Variants in TRIO observed in about 807,000 individuals in gnomAD.
TRIO encodes the protein trio Rho guanine nucleotide exchange factor, also known as triple functional domain protein.
TRIO carries 58 observed loss-of-function variants against 351.9 expected under a neutral mutation model. The observed-to-expected ratio is 0.16, with a 90% CI of 0.13 to 0.21. TRIO has a LOEUF of 0.21. TRIO is among the 10% of genes least tolerant of loss of function. The pLI, the probability that TRIO is intolerant of heterozygous loss-of-function variation, is 1.00. For missense variants in TRIO, 3,201 were observed against 4,027.8 expected (o/e 0.79, Z 5.56); for synonymous variants, 1,758 against 1,595.7 (o/e 1.10, Z -2.42).
In TRIO at chr5:14,336,688, A is replaced by G. The variant is rs1292603754; in HGVS notation, c.2007A>G (p.Leu669=). The G allele has an allele frequency of 6.2e-7, 1 of 1,614,112 alleles. No homozygotes were observed. The highest frequency in any genetic ancestry group is 8.5e-7 in the Non-Finnish European group (1 of 1,180,040). Residue 669 remains leucine, a synonymous_variant, in exon 11 of 57, where the codon CTA becomes CTG. Coordinates refer to ENST00000344204, the MANE Select transcript of TRIO (RefSeq NM_007118.4). Reference sequence around the variant, plus strand: ...GGCGTGTTGAGCAGCGAAAGATCCTACTGGACATGTCAGTGTCCTTTCACA... The same window carrying G: ...GGCGTGTTGAGCAGCGAAAGATCCTGCTGGACATGTCAGTGTCCTTTCACA... The part of the protein sequence containing the change: ...FVRRVEQRKI[L]LDMSVSFHTH...
At chr5:14,405,095 A>G (rs1748586032) in intron 31 of TRIO, among the ~76,000 whole-genome samples, 1 of 152,194 alleles carries the variant, frequency 6.6e-6, no homozygotes, top group African/African-American at 2.4e-5. Context: ...AGTTAAAAAA[A>G]AAAAAAAAGT....
chr5:14,211,488 G>T (rs1262338684), intron 1 of TRIO, among the ~76,000 whole-genome samples: 1 of 150,454 alleles, frequency 6.6e-6, no homozygotes, highest in African/African-American at 2.4e-5. Flanking sequence ...TTTAAAATAT[G>T]AAACAATAAA....
chr5:14,501,163 G>A (rs1053333777), intron 53 of TRIO, among the ~76,000 whole-genome samples: 1 of 151,760 alleles, frequency 6.6e-6, no homozygotes, highest in African/African-American at 2.4e-5. Context: ...TTCTTAATGT[G>A]AGTTGGTAGA....
intron 1 of TRIO, among the ~76,000 whole-genome samples, chr5:14,159,591 A>T (rs1788315904): frequency 1.4e-5 from 2 of 147,030 alleles, no homozygotes; most frequent in South Asian, 4.3e-4. Flanking sequence ...TTTTTTTGAG[A>T]TGGAGTCTTG....
intron 8 of TRIO, 29 bp from the exon 9 acceptor site, chr5:14,316,484 G>A (rs1739390788): frequency 2.5e-6 from 4 of 1,611,522 alleles, no homozygotes; most frequent in Non-Finnish European, 3.4e-6. Flanking sequence ...CTCAGATCGT[G>A]AAGAATCACT....
chr5:14,232,609 A>G (rs748238814), intron 1 of TRIO, among the ~76,000 whole-genome samples: 2 of 152,234 alleles, frequency 1.3e-5, no homozygotes, highest in African/African-American at 4.8e-5. Context: ...ATGGATGTTC[A>G]TACTTTTGTC....
chr5:14,392,144 C>T, intron 27 of TRIO, among the ~76,000 whole-genome samples: 1 of 151,876 alleles, frequency 6.6e-6, no homozygotes, highest in East Asian at 1.9e-4. Flanking sequence ...TCAGAGTGAA[C>T]AGGCAACCAA....
chr5:14,467,897 A>G (rs1754383794), intron 37 of TRIO, among the ~76,000 whole-genome samples: 2 of 152,228 alleles, frequency 1.3e-5, no homozygotes, highest in African/African-American at 4.8e-5. Flanking sequence ...AGACAAGTTG[A>G]TAAAACTGTC....
At chr5:14,493,413 T>C (rs1001195237) in intron 49 of TRIO, among the ~76,000 whole-genome samples, 6 of 152,224 alleles carry the variant, frequency 3.9e-5, no homozygotes, top group African/African-American at 1.4e-4. Context: ...TTTTGGTGAT[T>C]CTCAAATATT....
intron 1 of TRIO, among the ~76,000 whole-genome samples, chr5:14,150,438 ACC>A (rs1491374852): frequency 6.6e-6 from 1 of 151,844 alleles, no homozygotes; most frequent in African/African-American, 2.4e-5. Context: ...ACACACACAC[ACC>A]GTTTAACTGT....
chr5:14,396,217 C>G (rs1182658747), intron 28 of TRIO, among the ~76,000 whole-genome samples: 1 of 151,844 alleles, frequency 6.6e-6, no homozygotes, highest in Non-Finnish European at 1.5e-5. Context: ...TTCTAAACAT[C>G]CTACGCAAAA....
intron 1 of TRIO, among the ~76,000 whole-genome samples, chr5:14,189,401 A>G (rs898358988): frequency 4.6e-5 from 7 of 152,230 alleles, no homozygotes; most frequent in Non-Finnish European, 8.8e-5. Context: ...TGAAATTTTC[A>G]TCACCTTTGA....
At chr5:14,258,439 A>G (rs1423185249) in intron 1 of TRIO, among the ~76,000 whole-genome samples, 1 of 152,152 alleles carries the variant, frequency 6.6e-6, no homozygotes, top group Non-Finnish European at 1.5e-5. Flanking sequence ...TTACTATACT[A>G]AGTTTAATTT....
intron 22 of TRIO, 23 bp downstream of exon 22, chr5:14,387,655 A>G: frequency 6.2e-7 from 1 of 1,608,396 alleles, no homozygotes; most frequent in Non-Finnish European, 8.5e-7. Context: ...GTGCAAACTG[A>G]ATAAATTATG....
intron 1 of TRIO, among the ~76,000 whole-genome samples, chr5:14,144,927 T>G (rs1787409307): frequency 1.3e-5 from 1 of 76,054 alleles, no homozygotes. Context: ...GGCGGCGGCC[T>G]CGGGGCCGGC....
intron 13 of TRIO, among the ~76,000 whole-genome samples, chr5:14,363,287 A>G (rs1579435106): frequency 6.6e-6 from 1 of 152,202 alleles, no homozygotes; most frequent in African/African-American, 2.4e-5. Context: ...GGCGTGAGCC[A>G]CCACCCCCAG....
chr5:14,387,753 A>G lies in TRIO; in HGVS notation c.3787A>G (p.Ile1263Val), dbSNP rs775698231. The change falls in exon 23 of 57, where the codon ATC (isoleucine) becomes GTC (valine). Residue 1263 changes from isoleucine to valine, a missense_variant. Transcript: ENST00000344204. The stretch of plus-strand genomic sequence containing the variant: ...ACAGAGTAAAAGTCTCCAGCTAGAT[A>G]TCATTCCAGCCAGTATCCCTGGCTC... Reference protein sequence around the residue: ...NKSSKSLQLDIIPASIPGSEV... With the variant: ...NKSSKSLQLDVIPASIPGSEV... The G allele has an allele frequency of 1.2e-6, 2 of 1,614,228 alleles. No individual in the cohort carries two copies. Among genetic ancestry groups the G allele is most frequent in the Non-Finnish European group, 1.7e-6 (2 of 1,180,024 alleles).
At chr5:14,479,458 T>C (rs1755352637) in intron 42 of TRIO, 108 bp downstream of exon 42, 3 of 902,188 alleles carry the variant, frequency 3.3e-6, no homozygotes, top group Non-Finnish European at 5.0e-6. Context: ...CCAAAGAAAA[T>C]TAGCCTGAGT....
At chr5:14,284,101 TACTC>T (rs1437637670) in intron 3 of TRIO, among the ~76,000 whole-genome samples, 1 of 152,228 alleles carries the variant, frequency 6.6e-6, no homozygotes, top group African/African-American at 2.4e-5. Context: ...CATTCATAAA[TACTC>T]ACATAAGAAG....
Sources: gnomAD v4.1 joint callset for allele counts (sites outside exome capture counted in the v4.1 genomes callset) on GRCh38, gnomAD v4.1.1 for gene constraint, MANE v1.5 for transcripts, NCBI Gene and HGNC (gene_info 2026-07-23, HGNC 2026-07-21) for gene names.